Variants in NRG3 observed in about 807,000 individuals in gnomAD.
NRG3 encodes pro-neuregulin-3, membrane-bound isoform.
Under a neutral mutation model 66.9 loss-of-function variants are expected in NRG3, and 31 were observed. The ratio of observed to expected loss-of-function variants is 0.46; its 90% CI spans 0.35 to 0.63. NRG3 has a LOEUF of 0.63. NRG3 is among the 20% of genes least tolerant of loss of function. The pLI is 0.00. For synonymous variants in NRG3, 393 were observed against 359.4 expected (o/e 1.09, Z -1.06); for missense variants, 910 against 878.9 (o/e 1.04, Z -0.45).
rs1403072251 is a variant in NRG3, at chr10:82,986,827, A to C, written c.*1222A>C. On this transcript the variant is annotated 3_prime_UTR_variant, in exon 9 of 9. Coordinates refer to ENST00000372141, the MANE Select transcript of NRG3 (RefSeq NM_001010848.4). ...CATTTGCTTTCTCATCATCCTCATT[A>C]CCATTTATTTTATAGCAAGTCTGCT... 6.6e-6 allele frequency: 1 copy of C among 152,202 alleles called. No homozygotes were observed. Among genetic ancestry groups the C allele is most frequent in the Non-Finnish European group, 1.5e-5 (1 of 68,036 alleles). 9.4% of individuals were successfully genotyped at this position (152,202 alleles called of 1,614,324 possible). A position where few individuals can be genotyped will look rare whatever the true frequency, so the allele number is the denominator to read the frequency against.
intron 1 of NRG3, among the ~76,000 whole-genome samples, chr10:81,891,830 G>A (rs1410421468): frequency 5.3e-5 from 8 of 152,150 alleles, no homozygotes; most frequent in Admixed American, 5.2e-4. Flanking sequence ...AAATGAGGCT[G>A]TTGGACAAGA....
chr10:82,966,290 T>C (rs1434744154), intron 6 of NRG3, among the ~76,000 whole-genome samples: 1 of 152,192 alleles, frequency 6.6e-6, no homozygotes, highest in Non-Finnish European at 1.5e-5. Flanking sequence ...AGGTTCCCCT[T>C]ACCTGTGACA....
At chr10:81,932,423 A>T (rs1048472567) in intron 1 of NRG3, among the ~76,000 whole-genome samples, 2 of 152,196 alleles carry the variant, frequency 1.3e-5, no homozygotes, top group Non-Finnish European at 2.9e-5. Flanking sequence ...TTAGCTGGGG[A>T]CAAATATCCC....
intron 8 of NRG3, among the ~76,000 whole-genome samples, chr10:82,979,379 A>G (rs1002860955): frequency 2.6e-5 from 4 of 152,036 alleles, no homozygotes; most frequent in African/African-American, 9.7e-5. Flanking sequence ...GCAATATGTT[A>G]TTAGATCATT....
At chr10:82,361,050 GT>G (rs1178720838) in intron 2 of NRG3, among the ~76,000 whole-genome samples, 3 of 152,158 alleles carry the variant, frequency 2.0e-5, no homozygotes, top group Non-Finnish European at 4.4e-5. Flanking sequence ...AGGAACTGGA[GT>G]TTACTTCATG....
chr10:82,165,933 ATTT>A (rs2072015759), intron 1 of NRG3, among the ~76,000 whole-genome samples: 1 of 150,532 alleles, frequency 6.6e-6, no homozygotes, highest in Admixed American at 6.6e-5. Context: ...CTTGCTATTC[ATTT>A]TTTATTTGTC....
In NRG3 at chr10:82,106,380, T is replaced by C. The variant is rs550086156; in HGVS notation, c.823+230217T>C. On this transcript the variant is annotated intron_variant, in intron 1 of 8. Coordinates refer to ENST00000372141, the MANE Select transcript of NRG3 (RefSeq NM_001010848.4). ...CAAGGCCACAGTTCATATCAACTAATTGTATACTCTTAAATACAAATCAGG... is the reference window on the plus strand; with the variant it reads ...CAAGGCCACAGTTCATATCAACTAACTGTATACTCTTAAATACAAATCAGG... 2.7e-4 allele frequency among the ~76,000 whole-genome samples: 41 copies of C among 152,328 alleles called. 1 individual carries two copies. In the South Asian group the frequency reaches 7.7e-3, roughly 28 times the overall value.
At chr10:82,268,118 T>C (rs1457523410) in intron 1 of NRG3, among the ~76,000 whole-genome samples, 3 of 152,164 alleles carry the variant, frequency 2.0e-5, no homozygotes, top group Non-Finnish European at 4.4e-5. Flanking sequence ...GTTCACAAAA[T>C]GGAAAGTGGA....
chr10:82,264,221 G>T (rs1005781194), intron 1 of NRG3, among the ~76,000 whole-genome samples: 1 of 152,176 alleles, frequency 6.6e-6, no homozygotes, highest in East Asian at 1.9e-4. Flanking sequence ...AAGTAAAGAG[G>T]TTTAATGGAC....
intron 1 of NRG3, among the ~76,000 whole-genome samples, chr10:82,009,402 C>T (rs1241608536): frequency 1.3e-5 from 2 of 152,026 alleles, no homozygotes; most frequent in Non-Finnish European, 2.9e-5. Flanking sequence ...TTCTTGGGGT[C>T]CTTAGGGACT....
intron 2 of NRG3, among the ~76,000 whole-genome samples, chr10:82,701,883 A>G (rs1027858651): frequency 6.6e-6 from 1 of 152,284 alleles, no homozygotes; most frequent in African/African-American, 2.4e-5. Flanking sequence ...TCTTCTTACC[A>G]TGTAATTTTC....
chr10:82,019,371 C>A (rs1001426679), intron 1 of NRG3, among the ~76,000 whole-genome samples: 1 of 152,226 alleles, frequency 6.6e-6, no homozygotes, highest in Non-Finnish European at 1.5e-5. Context: ...CATCAATGTT[C>A]ATCTGGGATT....
intron 1 of NRG3, among the ~76,000 whole-genome samples, chr10:82,012,299 A>C (rs2061610392): frequency 1.3e-5 from 2 of 151,634 alleles, no homozygotes; most frequent in South Asian, 4.2e-4. Flanking sequence ...GATGCAGGAC[A>C]CCAAGTCCCT....
At chr10:82,517,816 G>A (rs1845831862) in intron 2 of NRG3, among the ~76,000 whole-genome samples, 1 of 152,008 alleles carries the variant, frequency 6.6e-6, no homozygotes, top group South Asian at 2.1e-4. Flanking sequence ...CACATTGTTA[G>A]CTTCCTTGTT....
At chr10:81,996,539 G>C (rs1190069206) in intron 1 of NRG3, among the ~76,000 whole-genome samples, 1 of 152,032 alleles carries the variant, frequency 6.6e-6, no homozygotes, top group Non-Finnish European at 1.5e-5. Flanking sequence ...TTTGCCAATT[G>C]GTCATTATCT....
At chr10:82,858,899 C>A in intron 3 of NRG3, among the ~76,000 whole-genome samples, 1 of 149,826 alleles carries the variant, frequency 6.7e-6, no homozygotes, top group East Asian at 2.0e-4. Flanking sequence ...TTGGGGGATT[C>A]TTGCAGCAGA....
chr10:82,058,654 T>C (rs2063972162), intron 1 of NRG3, among the ~76,000 whole-genome samples: 2 of 152,114 alleles, frequency 1.3e-5, no homozygotes, highest in Non-Finnish European at 2.9e-5. Context: ...TTTGATTTTT[T>C]TCCCTTCTCC....
chr10:82,155,382 A>C (rs1471906152), intron 1 of NRG3, among the ~76,000 whole-genome samples: 1 of 151,756 alleles, frequency 6.6e-6, no homozygotes, highest in Non-Finnish European at 1.5e-5. Flanking sequence ...CAGATCACTA[A>C]TACTGCTGTT....
chr10:81,987,712 G>A (rs2060579406), intron 1 of NRG3, among the ~76,000 whole-genome samples: 1 of 152,180 alleles, frequency 6.6e-6, no homozygotes, highest in African/African-American at 2.4e-5. Context: ...ATGTGACTAG[G>A]AAATTATCAG....
Sources: gnomAD v4.1 joint callset for allele counts (sites outside exome capture counted in the v4.1 genomes callset) on GRCh38, gnomAD v4.1.1 for gene constraint, MANE v1.5 for transcripts, NCBI Gene and HGNC (gene_info 2026-07-23, HGNC 2026-07-21) for gene names.